Variants in PIK3CB observed in about 807,000 individuals in gnomAD.
The protein encoded by PIK3CB is phosphatidylinositol 4,5-bisphosphate 3-kinase catalytic subunit beta isoform.
A neutral mutation model predicts 136.8 loss-of-function variants in PIK3CB; 39 were observed. The ratio of observed to expected loss-of-function variants is 0.29; its 90% CI spans 0.22 to 0.37. The LOEUF is 0.37. Ranked by LOEUF, PIK3CB falls within the 10% of genes least tolerant of loss-of-function variation. The probability of loss-of-function intolerance (pLI) is 1.00; values close to 1 mark genes in which losing one functional copy is unlikely to be tolerated. For synonymous variants in PIK3CB, 428 were observed against 436.6 expected (o/e 0.98, Z 0.25); for missense variants, 868 against 1,275.4 (o/e 0.68, Z 4.87).
At chr3:138,832,941 G>C (rs1266123490) in intron 1 of PIK3CB, among the ~76,000 whole-genome samples, 1 of 150,948 alleles carries the variant, frequency 6.6e-6, no homozygotes, top group Non-Finnish European at 1.5e-5. Flanking sequence ...GAACCCAGGA[G>C]GCGGAGGTTG....
At chr3:138,771,386 C>T (rs189044526) in intron 2 of PIK3CB, among the ~76,000 whole-genome samples, 129 of 152,192 alleles carry the variant, frequency 8.5e-4, no homozygotes, top group Admixed American at 1.4e-3. Context: ...CCGCAACCAG[C>T]TATTTTTTGT....
At chr3:138,759,089 C>T (rs574113553) in intron 3 of PIK3CB, 84 bp downstream of exon 3, 330 of 843,544 alleles carry the variant, frequency 3.9e-4, no homozygotes, top group Non-Finnish European at 4.8e-4. Flanking sequence ...ATATAATTTA[C>T]ATTAACATTT....
chr3:138,733,046 T>C (rs953030107), intron 8 of PIK3CB, among the ~76,000 whole-genome samples: 4 of 151,034 alleles, frequency 2.6e-5, no homozygotes, highest in Non-Finnish European at 5.9e-5. Context: ...CTCAACTTTC[T>C]TCACAGTCTT....
intron 3 of PIK3CB, 100 bp from the exon 4 acceptor site, chr3:138,756,079 AC>A: frequency 2.0e-6 from 1 of 510,380 alleles, no homozygotes. Context: ...AAAATAAAAA[AC>A]TATGAACAAA....
intron 8 of PIK3CB, among the ~76,000 whole-genome samples, chr3:138,725,859 C>T (rs1378402339): frequency 2.6e-5 from 4 of 152,206 alleles, no homozygotes; most frequent in African/African-American, 7.2e-5. Context: ...TCATTGTCCA[C>T]ACAACTTCAG....
intron 1 of PIK3CB, among the ~76,000 whole-genome samples, chr3:138,833,725 T>G (rs1443132839): frequency 6.6e-6 from 1 of 152,224 alleles, no homozygotes; most frequent in East Asian, 1.9e-4. Flanking sequence ...GTTTCCATAC[T>G]CTTCGTGTGT....
At chr3:138,687,842 G>C (rs2043926513) in intron 16 of PIK3CB, among the ~76,000 whole-genome samples, 1 of 152,146 alleles carries the variant, frequency 6.6e-6, no homozygotes, top group Non-Finnish European at 1.5e-5. Flanking sequence ...GTACAATTTA[G>C]ATAGTTAATG....
chr3:138,776,582 C>T (rs1219257105), intron 2 of PIK3CB, among the ~76,000 whole-genome samples: 2 of 151,962 alleles, frequency 1.3e-5, no homozygotes, highest in East Asian at 1.9e-4. Context: ...ACCTGTAGTC[C>T]CAGCTACTCA....
At chr3:138,786,805 A>G (rs2045986306) in intron 2 of PIK3CB, among the ~76,000 whole-genome samples, 1 of 152,234 alleles carries the variant, frequency 6.6e-6, no homozygotes, top group Admixed American at 6.5e-5. Context: ...GCAGCCATTT[A>G]TATTACCCTT....
chr3:138,805,861 C>A lies in PIK3CB; in HGVS notation c.-121-9294G>T, dbSNP rs573497699. On this transcript the variant is annotated intron_variant, in intron 1 of 23. Transcript: ENST00000674063. ...TCTCCTGCCTCAGCTTCCTGAGTAG[C>A]TGGGATTACAGGCATGCCCCACCAT... Among the ~76,000 whole-genome samples the A allele has an allele frequency of 2.0e-5, 3 of 151,588 alleles. No homozygotes were observed. The South Asian group carries it at 6.3e-4, about 32-fold the overall frequency.
intron 8 of PIK3CB, among the ~76,000 whole-genome samples, chr3:138,728,059 G>A (rs942518415): frequency 2.6e-5 from 4 of 152,156 alleles, no homozygotes; most frequent in East Asian, 1.9e-4. Flanking sequence ...TGATCCACCC[G>A]CCTCGGCCTC....
intron 4 of PIK3CB, among the ~76,000 whole-genome samples, chr3:138,754,155 T>C (rs2108714445): frequency 6.6e-6 from 1 of 152,226 alleles, no homozygotes; most frequent in East Asian, 1.9e-4. Flanking sequence ...GGACAAAAAT[T>C]TAAATTCTAT....
intron 1 of PIK3CB, among the ~76,000 whole-genome samples, chr3:138,806,267 CTT>C (rs2046233390): frequency 6.6e-6 from 1 of 152,132 alleles, no homozygotes. Flanking sequence ...AGGCAGATCA[CTT>C]GAGGTCAAAA....
intron 2 of PIK3CB, among the ~76,000 whole-genome samples, chr3:138,793,661 G>A (rs935499633): frequency 6.6e-6 from 1 of 151,322 alleles, no homozygotes; most frequent in African/African-American, 2.4e-5. Context: ...TTGTGTTTGA[G>A]GAATGGAAAG....
At chr3:138,692,072 G>A (rs1365144789) in intron 14 of PIK3CB, among the ~76,000 whole-genome samples, 1 of 152,144 alleles carries the variant, frequency 6.6e-6, no homozygotes, top group African/African-American at 2.4e-5. Context: ...AATTAACTGA[G>A]CTCAATTAAT....
intron 6 of PIK3CB, among the ~76,000 whole-genome samples, chr3:138,736,381 T>C (rs2045103426): frequency 6.6e-6 from 1 of 152,234 alleles, no homozygotes; most frequent in Admixed American, 6.5e-5. Context: ...TGCAGCTCCA[T>C]ATTCTCAAAC....
chr3:138,665,308 T>C (rs1169697849), intron 19 of PIK3CB, 105 bp from the exon 20 acceptor site: 1 of 759,938 alleles, frequency 1.3e-6, no homozygotes. Context: ...TTATTATTGA[T>C]ATACTTGCCA....
chr3:138,737,788 T>G lies in PIK3CB; in HGVS notation c.720A>C (p.Glu240Asp). 6.2e-7 allele frequency: 1 copy of G among 1,612,622 alleles called. No homozygotes were observed. Among genetic ancestry groups the G allele is most frequent in the Non-Finnish European group, 8.5e-7 (1 of 1,178,990 alleles). Residue 240 changes from glutamate (E) to aspartate (D), a missense_variant, in exon 6 of 24, where the codon GAA becomes GAC. This residue lies in a region of PIK3CB where 612 missense variants were observed against 801.1 expected (regional missense o/e 0.76). Coordinates refer to ENST00000674063, the MANE Select transcript of PIK3CB (RefSeq NM_006219.3). ...GCAACACATAATCATAGGGGCTAAC[T>G]TCATCTTCCTTCCCATGAATAGTCA... The part of the protein sequence containing the change: ...KRLTIHGKED[E>D]VSPYDYVLQV...
chr3:138,751,716 T>C (rs2108703967), intron 4 of PIK3CB, among the ~76,000 whole-genome samples: 1 of 152,152 alleles, frequency 6.6e-6, no homozygotes, highest in East Asian at 1.9e-4. Flanking sequence ...ACACCTGTAA[T>C]CCCAGCACTT....
Sources: gnomAD v4.1 joint callset for allele counts (sites outside exome capture counted in the v4.1 genomes callset) on GRCh38, gnomAD v4.1.1 for gene constraint, gnomAD v4.1.1 regional missense constraint, MANE v1.5 for transcripts, NCBI Gene and HGNC (gene_info 2026-07-23, HGNC 2026-07-21) for gene names.